Variants in SHISA9 observed in about 807,000 individuals in gnomAD.
SHISA9 encodes shisa family member 9.
A neutral mutation model predicts 38.0 loss-of-function variants in SHISA9; 13 were observed. The ratio of observed to expected loss-of-function variants is 0.34; its 90% CI spans 0.22 to 0.54. The LOEUF is 0.54. Among genes scored for constraint, SHISA9 ranks in the 20% least tolerant of loss-of-function variants. SHISA9 has a pLI of 0.91. For missense variants in SHISA9, 538 were observed against 575.8 expected (o/e 0.93, Z 0.67); for synonymous variants, 275 against 242.0 (o/e 1.14, Z -1.27).
chr16:12,918,314 T>C (rs140510153), intron 2 of SHISA9, among the ~76,000 whole-genome samples: 3 of 152,310 alleles, frequency 2.0e-5, no homozygotes, highest in African/African-American at 4.8e-5. Flanking sequence ...AACCTAGTCG[T>C]GTGCTTCAGT....
At chr16:13,109,500 T>A (rs1217640889) in intron 2 of SHISA9, among the ~76,000 whole-genome samples, 1 of 152,222 alleles carries the variant, frequency 6.6e-6, no homozygotes, top group Admixed American at 6.5e-5. Flanking sequence ...AAAAGCTGAA[T>A]GTTTAATGAC....
the SHISA9 span, among the ~76,000 whole-genome samples, chr16:13,388,983 A>C: frequency 2.6e-5 from 4 of 152,148 alleles, no homozygotes; most frequent in Non-Finnish European, 5.9e-5. Context: ...TAGAGTTCCC[A>C]TATACCCTCT....
At chr16:13,006,073 C>T (rs980344481) in intron 2 of SHISA9, among the ~76,000 whole-genome samples, 3 of 152,238 alleles carry the variant, frequency 2.0e-5, no homozygotes, top group African/African-American at 7.2e-5. Context: ...CACGCACACA[C>T]ACACGCGCAC....
the SHISA9 span, among the ~76,000 whole-genome samples, chr16:13,292,027 C>CT: frequency 3.6e-4 from 54 of 151,548 alleles, no homozygotes; most frequent in African/African-American, 5.6e-4. Flanking sequence ...TATTTTTCCT[C>CT]TTTTTTTTGT....
downstream of SHISA9, among the ~76,000 whole-genome samples, chr16:13,242,504 C>T (rs752632397): frequency 6.6e-6 from 1 of 152,154 alleles, no homozygotes; most frequent in Non-Finnish European, 1.5e-5. Context: ...TGGAGTGGAC[C>T]TGTGTGCTTC....
the SHISA9 span, among the ~76,000 whole-genome samples, chr16:13,354,652 G>A: frequency 5.3e-5 from 8 of 150,002 alleles, no homozygotes; most frequent in South Asian, 2.2e-4. Flanking sequence ...AGCGGCAGCC[G>A]CTGCACGCAC....
chr16:12,973,345 G>A (rs1446529995), intron 2 of SHISA9, among the ~76,000 whole-genome samples: 1 of 152,222 alleles, frequency 6.6e-6, no homozygotes, highest in Non-Finnish European at 1.5e-5. Context: ...CAGGGAAATA[G>A]AAAGTCAAGA....
At chr16:13,297,355 T>G in the SHISA9 span, among the ~76,000 whole-genome samples, 1 of 152,148 alleles carries the variant, frequency 6.6e-6, no homozygotes, top group Non-Finnish European at 1.5e-5. Context: ...GGCCATATAA[T>G]TTTTTAGGAA....
intron 2 of SHISA9, among the ~76,000 whole-genome samples, chr16:12,996,667 C>A (rs1469748702): frequency 6.6e-6 from 1 of 152,078 alleles, no homozygotes; most frequent in Admixed American, 6.6e-5. Context: ...TCTATGGGTC[C>A]TCAGGGTCTT....
intron 2 of SHISA9, among the ~76,000 whole-genome samples, chr16:12,937,137 G>A (rs1366520527): frequency 6.6e-6 from 1 of 152,092 alleles, no homozygotes; most frequent in East Asian, 1.9e-4. Flanking sequence ...GATGATTTGT[G>A]GAGCTTGGAA....
chr16:13,197,317 C>G (rs2050956583), intron 2 of SHISA9, among the ~76,000 whole-genome samples: 1 of 152,034 alleles, frequency 6.6e-6, no homozygotes, highest in South Asian at 2.1e-4. Context: ...GTTGTCTTTC[C>G]TTTAAGATGA....
chr16:12,972,570 A>G (rs2072099011), intron 2 of SHISA9, among the ~76,000 whole-genome samples: 1 of 152,220 alleles, frequency 6.6e-6, no homozygotes. Flanking sequence ...TGAAGGTGGA[A>G]ATACTCCGTG....
At chr16:13,017,863 A>G (rs545116844) in intron 2 of SHISA9, among the ~76,000 whole-genome samples, 1 of 152,336 alleles carries the variant, frequency 6.6e-6, no homozygotes, top group Non-Finnish European at 1.5e-5. Flanking sequence ...TCAATCCAGA[A>G]TGTCTTTGCC....
the SHISA9 span, among the ~76,000 whole-genome samples, chr16:13,316,329 T>C: frequency 0.023 from 3,496 of 152,248 alleles, 127 homozygotes; most frequent in African/African-American, 0.079. Flanking sequence ...TATTTCCTTC[T>C]GTCTAGGGGA....
intron 2 of SHISA9, among the ~76,000 whole-genome samples, chr16:13,016,206 C>T (rs1043536674): frequency 4.0e-5 from 6 of 151,646 alleles, no homozygotes; most frequent in African/African-American, 1.2e-4. Flanking sequence ...TCTTGAACTC[C>T]TAAAGTGATC....
chr16:13,449,853 A>C, the SHISA9 span, among the ~76,000 whole-genome samples: 11,190 of 152,276 alleles, frequency 0.073, 564 homozygotes, highest in South Asian at 0.19. Context: ...GCTGTGGCTC[A>C]TGCCTGTAAT....
the SHISA9 span, among the ~76,000 whole-genome samples, chr16:13,329,741 G>A: frequency 6.6e-6 from 1 of 152,140 alleles, no homozygotes; most frequent in Admixed American, 6.5e-5. Flanking sequence ...TGAATTCCTA[G>A]CCCACCCCTA....
intron 2 of SHISA9, among the ~76,000 whole-genome samples, chr16:12,977,359 C>T (rs914957400): frequency 9.9e-5 from 15 of 152,160 alleles, no homozygotes; most frequent in African/African-American, 3.6e-4. Flanking sequence ...GACATTTGAG[C>T]AATGTTGTAA....
At chr16:13,158,613 A>G (rs1053893686) in intron 2 of SHISA9, among the ~76,000 whole-genome samples, 5 of 152,172 alleles carry the variant, frequency 3.3e-5, no homozygotes, top group African/African-American at 7.2e-5. Context: ...GGCCAAGCCT[A>G]GGTCACATGC....
Sources: gnomAD v4.1 joint callset for allele counts (sites outside exome capture counted in the v4.1 genomes callset) on GRCh38, gnomAD v4.1.1 for gene constraint, MANE v1.5 for transcripts, NCBI Gene and HGNC (gene_info 2026-07-23, HGNC 2026-07-21) for gene names.